Variants in GPM6B observed in about 807,000 individuals in gnomAD.
GPM6B encodes neuronal membrane glycoprotein M6-b.
In GPM6B, 4 loss-of-function variants were observed where a neutral mutation model predicts 27.2. The observed-to-expected ratio is 0.15, with a 90% CI of 0.07 to 0.34. GPM6B has a LOEUF of 0.34. GPM6B is among the 10% of genes least tolerant of loss of function. The probability of loss-of-function intolerance (pLI) is 1.00; values close to 1 mark genes in which losing one functional copy is unlikely to be tolerated. For synonymous variants in GPM6B, 124 were observed against 103.1 expected (o/e 1.20, Z -1.23); for missense variants, 183 against 261.9 (o/e 0.70, Z 2.08).
chrX:13,905,242 A>AAAAAG lies in GPM6B; in HGVS notation c.-198+33080_-198+33084dup, dbSNP rs1172216630. Among the ~76,000 whole-genome samples, 18 of 107,889 alleles carry AAAAAG rather than the reference A, an allele frequency of 1.7e-4. No individual in the cohort carries two copies. The East Asian group carries it at 1.7e-3, about 10-fold the overall frequency. The allele number at this position is 107,889 out of a possible 115,157, so 93.7% of individuals were successfully genotyped here. A position where few individuals can be genotyped will look rare whatever the true frequency, so the allele number is the denominator to read the frequency against. On this transcript the variant is annotated intron_variant, in intron 1 of 6. Coordinates refer to the GPM6B transcript ENST00000398361. Reference sequence around the variant, plus strand: ...TGAGGCCCTGTCTCAAAAAAAAAAAAAAAAGAAAAGAAAAGAAAAGAAAAA... The same window carrying AAAAAG: ...TGAGGCCCTGTCTCAAAAAAAAAAAAAAAAGAAAAGAAAAGAAAAGAAAAGAAAAA...
upstream of GPM6B, among the ~76,000 whole-genome samples, chrX:13,820,058 AG>A (rs1178233083): frequency 9.8e-5 from 11 of 111,982 alleles, no homozygotes; most frequent in Non-Finnish European, 9.4e-5. Flanking sequence ...GGAACCAGGT[AG>A]GTTGAACACC....
chrX:13,837,036 C>G (rs950953013), intron 1 of GPM6B, among the ~76,000 whole-genome samples: 3 of 112,180 alleles, frequency 2.7e-5, no homozygotes, highest in African/African-American at 9.7e-5. Context: ...GAAATGCTAG[C>G]TAACTTTGCC....
At chrX:13,869,321 G>C (rs1304865377) in intron 1 of GPM6B, among the ~76,000 whole-genome samples, 1 of 109,382 alleles carries the variant, frequency 9.1e-6, no homozygotes, top group Non-Finnish European at 1.9e-5. Flanking sequence ...AGCAGCTGGT[G>C]GGGTGGGATA....
At chrX:13,926,727 C>A (rs1259156412) in intron 1 of GPM6B, among the ~76,000 whole-genome samples, 2 of 111,931 alleles carry the variant, frequency 1.8e-5, no homozygotes, top group Admixed American at 9.5e-5. Context: ...AGCTTTCTAT[C>A]TAAAACTATA....
intron 5 of GPM6B, among the ~76,000 whole-genome samples, chrX:13,777,721 C>T (rs1029170449): frequency 1.4e-4 from 16 of 112,381 alleles, no homozygotes; most frequent in African/African-American, 5.2e-4. Flanking sequence ...TATTTGTAAA[C>T]ATTAATTTTC....
intron 2 of GPM6B, among the ~76,000 whole-genome samples, chrX:13,806,634 G>T (rs1186021735): frequency 8.9e-6 from 1 of 112,139 alleles, no homozygotes; most frequent in Non-Finnish European, 1.9e-5. Flanking sequence ...GATTTTAAAG[G>T]AAAAGGTTTT....
intron 1 of GPM6B, among the ~76,000 whole-genome samples, chrX:13,816,182 C>T (rs184910138): frequency 1.8e-5 from 2 of 111,596 alleles, no homozygotes; most frequent in Admixed American, 1.9e-4. Context: ...AATTGTGGTA[C>T]GTTCTAAGAT....
intron 4 of GPM6B, among the ~76,000 whole-genome samples, chrX:13,781,842 G>A (rs2048522002): frequency 8.9e-6 from 1 of 112,096 alleles, no homozygotes; most frequent in Non-Finnish European, 1.9e-5. Context: ...TGTGTCATGG[G>A]TGCATCCTTA....
rs143808169 is a variant in GPM6B at position 13,872,117 on chromosome X, T to C, written c.-198+66210A>G. 6.1e-3 allele frequency among the ~76,000 whole-genome samples: 658 copies of C among 108,330 alleles called. 2 individuals are homozygous for C. Among genetic ancestry groups the C allele is most frequent in the Non-Finnish European group, 9.2e-3 (482 of 52,306 alleles). The allele number at this position is 108,330 out of a possible 115,157, so 94.1% of individuals were successfully genotyped here. A position where few individuals can be genotyped will look rare whatever the true frequency, so the allele number is the denominator to read the frequency against. ...CATTTTGTATGCCTGAGAAACGTGC[T>C]AGCAGAATAGGAGTGCTGGGGAGAA... is the stretch of plus-strand genomic sequence containing the variant. On this transcript the variant is annotated intron_variant, in intron 1 of 6. Transcript: ENST00000398361.
intron 1 of GPM6B, among the ~76,000 whole-genome samples, chrX:13,858,795 C>A (rs1458732272): frequency 1.8e-5 from 2 of 111,987 alleles, no homozygotes; most frequent in East Asian, 5.6e-4. Context: ...ACCTGCGACA[C>A]ATATCCTCAA....
upstream of GPM6B, among the ~76,000 whole-genome samples, chrX:13,819,733 G>A (rs1216295686): frequency 1.8e-5 from 2 of 111,510 alleles, no homozygotes; most frequent in African/African-American, 3.3e-5. Context: ...GGTAACCCAC[G>A]GCTAATGGGA....
intron 1 of GPM6B, among the ~76,000 whole-genome samples, chrX:13,866,225 T>G (rs1296167623): frequency 1.8e-5 from 2 of 111,849 alleles, no homozygotes; most frequent in Non-Finnish European, 3.8e-5. Context: ...TAGCCGGGCG[T>G]GGTGGCACAT....
At chrX:13,932,655 G>A (rs1457451249) in intron 1 of GPM6B, among the ~76,000 whole-genome samples, 1 of 111,530 alleles carries the variant, frequency 9.0e-6, no homozygotes, top group East Asian at 2.8e-4. Flanking sequence ...CATGCTAGTT[G>A]CATGATATTG....
intron 2 of GPM6B, among the ~76,000 whole-genome samples, chrX:13,804,549 ACTAT>A (rs986102556): frequency 5.4e-5 from 6 of 110,917 alleles, no homozygotes; most frequent in African/African-American, 2.0e-4. Context: ...GGAAAGAATA[ACTAT>A]CTAACCCCTA....
chrX:13,797,031 A>C (rs2048828778), intron 2 of GPM6B, among the ~76,000 whole-genome samples: 1 of 112,533 alleles, frequency 8.9e-6, no homozygotes, highest in Non-Finnish European at 1.9e-5. Context: ...AGAGCACAGC[A>C]ATCTGGAGGC....
Position 13,799,190 on chromosome X carries a change from A to ATTTTTTT in GPM6B, c.181+8453_181+8459dup, listed in dbSNP as rs763194245. 4.7e-4 allele frequency among the ~76,000 whole-genome samples: 17 copies of ATTTTTTT among 35,969 alleles called. 2 individuals are homozygous for ATTTTTTT. The highest frequency in any genetic ancestry group is 5.6e-4 in the Non-Finnish European group (12 of 21,474). The allele number at this position is 35,969 out of a possible 115,157, so 31.2% of individuals were successfully genotyped here. ...CTAGAAACCTCGATTAGCCAACCTA[A>ATTTTTTT]TTTTTTTTTTTTTTTTTTTTTTTTT... is the stretch of plus-strand genomic sequence containing the variant. On this transcript the variant is annotated intron_variant, in intron 2 of 7. Transcript: ENST00000316715.
chrX:13,895,718 A>G (rs746069332), intron 1 of GPM6B, among the ~76,000 whole-genome samples: 3 of 111,868 alleles, frequency 2.7e-5, no homozygotes, highest in Non-Finnish European at 5.6e-5. Flanking sequence ...CACTTCTATG[A>G]CCTCAAAATC....
At chrX:13,787,030 C>T (rs746175179) in intron 2 of GPM6B, among the ~76,000 whole-genome samples, 1 of 60,880 alleles carries the variant, frequency 1.6e-5, no homozygotes, top group South Asian at 1.3e-3. Flanking sequence ...AGGGCAAGCA[C>T]ATTAAGCCAG....
At chrX:13,938,033 G>C (rs1179764434) in intron 1 of GPM6B, among the ~76,000 whole-genome samples, 1 of 111,771 alleles carries the variant, frequency 8.9e-6, no homozygotes, top group Non-Finnish European at 1.9e-5. Context: ...TTGGGGAACC[G>C]GGTGTTTGTT....
Sources: gnomAD v4.1 joint callset for allele counts (sites outside exome capture counted in the v4.1 genomes callset) on GRCh38, gnomAD v4.1.1 for gene constraint, MANE v1.5 for transcripts, NCBI Gene and HGNC (gene_info 2026-07-23, HGNC 2026-07-21) for gene names.